PRKG1: variants seen among roughly 807,000 people sequenced by gnomAD.
PRKG1 encodes the protein cGMP-dependent protein kinase 1.
PRKG1 carries 35 observed loss-of-function variants against 88.1 expected under a neutral mutation model. The observed-to-expected ratio is 0.40, with a 90% CI of 0.30 to 0.53. PRKG1 has a LOEUF of 0.53. Ranked by LOEUF, PRKG1 falls within the 20% of genes least tolerant of loss-of-function variation. The pLI, the probability that PRKG1 is intolerant of heterozygous loss-of-function variation, is 0.59. For missense variants in PRKG1, 540 were observed against 839.8 expected (o/e 0.64, Z 4.41); for synonymous variants, 303 against 292.5 (o/e 1.04, Z -0.37).
intron 3 of PRKG1, among the ~76,000 whole-genome samples, chr10:51,709,985 T>A (rs996881791): frequency 6.6e-6 from 1 of 152,208 alleles, no homozygotes; most frequent in Non-Finnish European, 1.5e-5. Context: ...ATGTTGAATT[T>A]TATATATATC....
At chr10:51,953,712 T>G (rs907697410) in intron 5 of PRKG1, among the ~76,000 whole-genome samples, 18 of 152,124 alleles carry the variant, frequency 1.2e-4, no homozygotes, top group Admixed American at 1.0e-3. Flanking sequence ...ATATTGTGTG[T>G]GCGGTTTTGT....
At chr10:51,957,280 TTC>T (rs1434175066) in intron 5 of PRKG1, among the ~76,000 whole-genome samples, 4 of 354 alleles carry the variant, frequency 0.011, no homozygotes, top group African/African-American at 0.043. Context: ...TTCTTTCCTT[TTC>T]TTTTCTTTTT....
At position 51,621,063 on chromosome 10, in the gene PRKG1, A is replaced by G. The variant is rs1839198883; in HGVS notation, c.592+153227A>G. On this transcript the variant is annotated intron_variant, in intron 3 of 17. Transcript: ENST00000373980. ...CTATATATGTGTGTGTCATAAACTG[A>G]CTCCTATATGTATGAGTCATAAACT... 3.1e-5 allele frequency among the ~76,000 whole-genome samples: 4 copies of G among 130,458 alleles called. No individual in the cohort carries two copies. In the Admixed American group the frequency reaches 3.2e-4, roughly 10 times the overall value. The allele number at this position is 130,458 out of a possible 152,430, so 85.6% of individuals were successfully genotyped here.
Position 52,282,269 on chromosome 10 carries a change from C to A in PRKG1, c.1662C>A (p.Ala554=), listed in dbSNP as rs374202731. ...IILNKGHDIS[A]DYWSLGILMY... The stretch of plus-strand genomic sequence containing the variant: ...TGAACAAAGGCCATGACATTTCAGC[C>A]GACTACTGGTCACTGGGAATCCTAA... Residue 554 remains alanine, a synonymous_variant, in exon 14 of 18, where the codon GCC becomes GCA. Coordinates refer to ENST00000373980, the MANE Select transcript of PRKG1 (RefSeq NM_006258.4). The A allele has an allele frequency of 6.2e-7, 1 of 1,610,028 alleles. No homozygotes were observed. The highest frequency in any genetic ancestry group is 1.1e-5 in the South Asian group (1 of 90,578).
At chr10:52,030,932 AT>A (rs1845460133) in intron 5 of PRKG1, among the ~76,000 whole-genome samples, 3 of 152,276 alleles carry the variant, frequency 2.0e-5, no homozygotes, top group Non-Finnish European at 4.4e-5. Flanking sequence ...TATATAATGT[AT>A]TTTATTACAT....
chr10:52,298,227 A>G lies in PRKG1; in HGVS notation c.*4327A>G, dbSNP rs1842421973. The G allele has an allele frequency of 1.3e-5, 2 of 151,990 alleles. No homozygotes were observed. The highest frequency in any genetic ancestry group is 4.8e-5 in the African/African-American group (2 of 41,392). 9.4% of individuals were successfully genotyped at this position (151,990 alleles called of 1,614,324 possible). A position where few individuals can be genotyped will look rare whatever the true frequency, so the allele number is the denominator to read the frequency against. ...TTGACCACTTGCACTCTTTTGATGT[A>G]GATTAAAAACTTTTTCATAAATTTA... On this transcript the variant is annotated 3_prime_UTR_variant, in exon 18 of 18. Transcript: ENST00000373980.
intron 7 of PRKG1, among the ~76,000 whole-genome samples, chr10:52,078,941 C>T (rs1183354592): frequency 2.0e-5 from 3 of 152,168 alleles, no homozygotes; most frequent in Non-Finnish European, 4.4e-5. Context: ...GATCATGGAT[C>T]CTGGGTCTCC....
intron 1 of PRKG1, among the ~76,000 whole-genome samples, chr10:51,080,352 A>T (rs1293352300): frequency 6.6e-6 from 1 of 152,218 alleles, no homozygotes. Context: ...GCTACTTGTT[A>T]TCTGGATTCC....
At chr10:51,482,155 A>G (rs1227802385) in intron 3 of PRKG1, among the ~76,000 whole-genome samples, 1 of 152,076 alleles carries the variant, frequency 6.6e-6, no homozygotes, top group African/African-American at 2.4e-5. Context: ...AGTACAAACT[A>G]CTCACCTCCA....
intron 1 of PRKG1, among the ~76,000 whole-genome samples, chr10:51,092,574 A>G (rs1844424264): frequency 1.3e-5 from 2 of 152,174 alleles, no homozygotes; most frequent in Admixed American, 6.6e-5. Context: ...TCTGATGCCT[A>G]TCAGTCCTGC....
chr10:51,157,805 T>A (rs1033412791), intron 2 of PRKG1, among the ~76,000 whole-genome samples: 3 of 148,236 alleles, frequency 2.0e-5, no homozygotes, highest in Non-Finnish European at 4.5e-5. Flanking sequence ...AAATCATCAA[T>A]TTTTTTTTTG....
intron 2 of PRKG1, among the ~76,000 whole-genome samples, chr10:51,418,326 T>C (rs1283844826): frequency 6.6e-6 from 1 of 152,146 alleles, no homozygotes; most frequent in East Asian, 1.9e-4. Flanking sequence ...CCTAACTGAA[T>C]AAGGGATGTT....
At chr10:52,143,845 T>A (rs1837651863) in intron 8 of PRKG1, among the ~76,000 whole-genome samples, 1 of 142,132 alleles carries the variant, frequency 7.0e-6, no homozygotes, top group South Asian at 2.1e-4. Context: ...AGGGAATAAA[T>A]CAATTATCCA....
At chr10:51,973,076 C>T (rs547476180) in intron 5 of PRKG1, among the ~76,000 whole-genome samples, 1 of 152,246 alleles carries the variant, frequency 6.6e-6, no homozygotes, top group Admixed American at 6.5e-5. Context: ...AGGATCAGCC[C>T]AAGATTCAAC....
intron 3 of PRKG1, among the ~76,000 whole-genome samples, chr10:51,694,520 C>T (rs894461560): frequency 1.3e-5 from 2 of 152,140 alleles, no homozygotes; most frequent in African/African-American, 4.8e-5. Context: ...GATATTAAAA[C>T]ATATTTTTGG....
intron 1 of PRKG1, among the ~76,000 whole-genome samples, chr10:51,123,489 C>A (rs1332120901): frequency 6.6e-6 from 1 of 152,054 alleles, no homozygotes; most frequent in African/African-American, 2.4e-5. Flanking sequence ...AGTTCGAAAC[C>A]AGCCTGGCCA....
chr10:51,153,975 A>G (rs1212295520), intron 2 of PRKG1, among the ~76,000 whole-genome samples: 1 of 152,056 alleles, frequency 6.6e-6, no homozygotes, highest in East Asian at 1.9e-4. Context: ...CTATACTGAC[A>G]TGCTTTTCTT....
At chr10:51,716,828 G>T (rs939722884) in intron 3 of PRKG1, among the ~76,000 whole-genome samples, 6 of 152,118 alleles carry the variant, frequency 3.9e-5, no homozygotes, top group African/African-American at 1.4e-4. Context: ...AAGTGACTGG[G>T]ATTATAGGTG....
intron 4 of PRKG1, among the ~76,000 whole-genome samples, chr10:51,861,213 G>A (rs144538204): frequency 0.014 from 2,063 of 152,260 alleles, 25 homozygotes; most frequent in Middle Eastern, 0.034. Flanking sequence ...AACAAAGACC[G>A]CTGTCTAAGC....
Sources: gnomAD v4.1 joint callset for allele counts (sites outside exome capture counted in the v4.1 genomes callset) on GRCh38, gnomAD v4.1.1 for gene constraint, MANE v1.5 for transcripts, NCBI Gene and HGNC (gene_info 2026-07-23, HGNC 2026-07-21) for gene names.